Variants in STXBP5L observed in about 807,000 individuals in gnomAD.
STXBP5L encodes syntaxin binding protein 5L.
Under a neutral mutation model 144.5 loss-of-function variants are expected in STXBP5L, and 65 were observed. The ratio of observed to expected loss-of-function variants is 0.45; its 90% confidence interval spans 0.37 to 0.55. STXBP5L has a LOEUF of 0.55. Among genes scored for constraint, STXBP5L ranks in the 20% least tolerant of loss-of-function variants. The pLI, the probability that STXBP5L is intolerant of heterozygous loss-of-function variation, is 0.00. For missense variants in STXBP5L, 1,298 were observed against 1,405.5 expected (o/e 0.92, Z 1.22); for synonymous variants, 505 against 469.6 (o/e 1.08, Z -0.97).
chr3:121,209,866 T>G (rs1043858173), intron 10 of STXBP5L, among the ~76,000 whole-genome samples: 41 of 152,344 alleles, frequency 2.7e-4, no homozygotes, highest in African/African-American at 9.9e-4. Context: ...AAGTCTTTGC[T>G]ATTGTGAATA....
intron 3 of STXBP5L, among the ~76,000 whole-genome samples, chr3:121,025,222 A>T (rs1945844398): frequency 6.6e-6 from 1 of 152,140 alleles, no homozygotes; most frequent in Non-Finnish European, 1.5e-5. Context: ...TTTTTGAAGA[A>T]GTAGGAAATG....
chr3:121,052,329 C>T (rs541907120), intron 5 of STXBP5L, among the ~76,000 whole-genome samples: 5 of 152,158 alleles, frequency 3.3e-5, no homozygotes, highest in South Asian at 2.1e-4. Flanking sequence ...TGATGAACAT[C>T]GATGCAAAAA....
chr3:121,144,994 G>T (rs1389889582), intron 7 of STXBP5L, among the ~76,000 whole-genome samples: 1 of 151,792 alleles, frequency 6.6e-6, no homozygotes, highest in Non-Finnish European at 1.5e-5. Flanking sequence ...GTGGCTGATG[G>T]GCTGGGGGAG....
At chr3:121,022,291 C>T (rs1945612834) in intron 3 of STXBP5L, among the ~76,000 whole-genome samples, 1 of 151,780 alleles carries the variant, frequency 6.6e-6, no homozygotes, top group Non-Finnish European at 1.5e-5. Context: ...AAAAAGTTAC[C>T]AACAACAACA....
intron 3 of STXBP5L, among the ~76,000 whole-genome samples, chr3:121,038,512 C>T (rs566255522): frequency 2.2e-4 from 34 of 151,704 alleles, no homozygotes; most frequent in Middle Eastern, 3.4e-3. Flanking sequence ...TTTTATAGTT[C>T]GAAATATTTT....
chr3:121,318,572 G>T (rs757105265), intron 20 of STXBP5L, 32 bp downstream of exon 20: 6 of 1,407,714 alleles, frequency 4.3e-6, no homozygotes, highest in Non-Finnish European at 5.7e-6. Context: ...CAGACTTCTG[G>T]TAATTCACTG....
intron 3 of STXBP5L, among the ~76,000 whole-genome samples, chr3:120,979,803 G>T (rs573994817): frequency 4.6e-5 from 7 of 152,114 alleles, no homozygotes; most frequent in East Asian, 1.9e-4. Flanking sequence ...TGTTCTTGAG[G>T]TGTGACTGTA....
chr3:121,060,902 T>C lies in STXBP5L; in HGVS notation c.470+15367T>C, dbSNP rs563417952. The stretch of plus-strand genomic sequence containing the variant: ...CTGGCTAGCGGTCTATCTATTTTGT[T>C]GATCTTTTCAAAAAACCAGCTCCTG... On this transcript the variant is annotated intron_variant, in intron 5 of 26. Coordinates refer to ENST00000471454, the MANE Select transcript of STXBP5L (RefSeq NM_001308330.2). Among the ~76,000 whole-genome samples the C allele has an allele frequency of 1.2e-4, 18 of 152,324 alleles. 1 individual carries two copies. Among genetic ancestry groups the C allele is most frequent in the South Asian group, 1.0e-3 (5 of 4,832 alleles).
intron 19 of STXBP5L, among the ~76,000 whole-genome samples, chr3:121,304,314 G>T (rs1283469811): frequency 6.6e-6 from 1 of 152,040 alleles, no homozygotes; most frequent in African/African-American, 2.4e-5. Flanking sequence ...TTTTGTAACT[G>T]ACAGAACAAA....
At chr3:121,109,250 T>A (rs1022043558) in intron 5 of STXBP5L, among the ~76,000 whole-genome samples, 6 of 152,256 alleles carry the variant, frequency 3.9e-5, no homozygotes, top group Non-Finnish European at 7.4e-5. Flanking sequence ...TCTGCTCTGA[T>A]CTTGGTTATT....
chr3:121,300,743 TGA>T (rs1246941887), intron 19 of STXBP5L, among the ~76,000 whole-genome samples: 4 of 151,756 alleles, frequency 2.6e-5, no homozygotes, highest in African/African-American at 7.3e-5. Flanking sequence ...AAAAAAGAAC[TGA>T]GGGGACAAAC....
chr3:121,312,835 A>T (rs1287587204), intron 19 of STXBP5L, among the ~76,000 whole-genome samples: 2 of 152,100 alleles, frequency 1.3e-5, no homozygotes, highest in Admixed American at 6.5e-5. Context: ...TACAGAACAA[A>T]ATGAAAAGTC....
chr3:121,375,859 C>A, intron 20 of STXBP5L, among the ~76,000 whole-genome samples: 1 of 152,100 alleles, frequency 6.6e-6, no homozygotes, highest in Admixed American at 6.5e-5. Flanking sequence ...ACTCTATCTT[C>A]ATTTGTATGA....
At chr3:120,977,777 A>T (rs375497360) in intron 3 of STXBP5L, among the ~76,000 whole-genome samples, 1 of 152,094 alleles carries the variant, frequency 6.6e-6, no homozygotes, top group East Asian at 1.9e-4. Context: ...TTGTCTGTGA[A>T]GTATTTTATT....
chr3:121,322,097 A>G (rs2043989380), intron 20 of STXBP5L, among the ~76,000 whole-genome samples: 1 of 152,158 alleles, frequency 6.6e-6, no homozygotes, highest in African/African-American at 2.4e-5. Flanking sequence ...ACTTACAAAT[A>G]AGAACATGCA....
At chr3:121,008,241 T>G (rs1489311417) in intron 3 of STXBP5L, among the ~76,000 whole-genome samples, 1 of 151,974 alleles carries the variant, frequency 6.6e-6, no homozygotes, top group Non-Finnish European at 1.5e-5. Flanking sequence ...TAGCCCCTCA[T>G]AATAATCAGG....
chr3:121,190,470 G>A lies in STXBP5L; in HGVS notation c.878-15453G>A, dbSNP rs185281538. Among the ~76,000 whole-genome samples the A allele has an allele frequency of 3.5e-4, 53 of 152,328 alleles. 1 individual carries two copies. The East Asian group carries it at 5.6e-3, about 16-fold the overall frequency. ...GTCTACCCCCTTCAACACAGACACA[G>A]TAACAATCCGATCTCTCTTTCTTTT... On this transcript the variant is annotated intron_variant, in intron 9 of 26. Transcript: ENST00000471454.
At chr3:121,058,335 A>T (rs997060732) in intron 5 of STXBP5L, among the ~76,000 whole-genome samples, 9 of 152,232 alleles carry the variant, frequency 5.9e-5, no homozygotes, top group Admixed American at 5.9e-4. Context: ...ATAGGAGTCC[A>T]TGGTGTACAT....
chr3:121,318,571 G>T, intron 20 of STXBP5L, 31 bp downstream of exon 20: 2 of 1,434,468 alleles, frequency 1.4e-6, no homozygotes, highest in South Asian at 3.1e-5. Flanking sequence ...GCAGACTTCT[G>T]GTAATTCACT....
Sources: allele counts gnomAD v4.1 joint callset (sites outside exome capture counted in the v4.1 genomes callset), GRCh38; gene constraint gnomAD v4.1.1; transcripts MANE v1.5; gene names NCBI Gene and HGNC (gene_info 2026-07-23, HGNC 2026-07-21).